Variants in ARB2A observed in about 807,000 individuals in gnomAD.
The protein encoded by ARB2A is ARB2 cotranscriptional regulator A, also known as cotranscriptional regulator ARB2A.
the ARB2A span, among the ~76,000 whole-genome samples, chr5:93,889,118 G>T: frequency 6.6e-6 from 1 of 151,452 alleles, no homozygotes; most frequent in African/African-American, 2.4e-5. Context: ...AATGTGAAAA[G>T]GAAAAAAGGA....
the ARB2A span, among the ~76,000 whole-genome samples, chr5:94,083,901 TA>T: frequency 6.6e-6 from 1 of 152,004 alleles, no homozygotes; most frequent in Non-Finnish European, 1.5e-5. Flanking sequence ...CTAAGATTTA[TA>T]TTTTTTAAAA....
the ARB2A span, among the ~76,000 whole-genome samples, chr5:93,725,548 G>C: frequency 6.6e-6 from 1 of 152,046 alleles, no homozygotes; most frequent in Non-Finnish European, 1.5e-5. Context: ...AATAAAACAT[G>C]TTTATCAATG....
chr5:93,818,383 A>G, the ARB2A span, among the ~76,000 whole-genome samples: 11 of 152,198 alleles, frequency 7.2e-5, no homozygotes, highest in Non-Finnish European at 4.4e-5. Context: ...TATTTTATTT[A>G]AAGGATGAAT....
At chr5:93,834,994 G>A in the ARB2A span, among the ~76,000 whole-genome samples, 5 of 152,242 alleles carry the variant, frequency 3.3e-5, no homozygotes, top group South Asian at 8.3e-4. Flanking sequence ...ATTTAAACTC[G>A]ATGATTTTAG....
chr5:93,815,011 T>A, the ARB2A span, among the ~76,000 whole-genome samples: 934 of 152,030 alleles, frequency 6.1e-3, 13 homozygotes, highest in African/African-American at 0.018. Context: ...CTAATTTTTT[T>A]AAAAAAATTT....
At chr5:93,805,072 T>G in the ARB2A span, 1 of 963,546 alleles carries the variant, frequency 1.0e-6, no homozygotes, top group South Asian at 4.8e-5. Flanking sequence ...TAATGATTAA[T>G]GATTTTCACT....
At chr5:93,780,591 GCT>G in the ARB2A span, among the ~76,000 whole-genome samples, 5 of 146,234 alleles carry the variant, frequency 3.4e-5, no homozygotes, top group South Asian at 1.1e-3. Context: ...TGGAGCTTCT[GCT>G]CTGTTGGCCA....
At chr5:94,028,327 T>C in the ARB2A span, among the ~76,000 whole-genome samples, 8 of 152,112 alleles carry the variant, frequency 5.3e-5, no homozygotes, top group Admixed American at 5.2e-4. Context: ...CCTGTTTCAT[T>C]CCCTCCATGA....
the ARB2A span, among the ~76,000 whole-genome samples, chr5:93,669,228 G>A: frequency 6.6e-6 from 1 of 152,296 alleles, no homozygotes; most frequent in Non-Finnish European, 1.5e-5. Context: ...TTAGAGTTGT[G>A]AGTGAATGAA....
At chr5:93,663,016 C>CA in the ARB2A span, among the ~76,000 whole-genome samples, 2 of 152,152 alleles carry the variant, frequency 1.3e-5, no homozygotes, top group Non-Finnish European at 2.9e-5. Flanking sequence ...CTCCCTCCAT[C>CA]AAGCCCTTTT....
the ARB2A span, chr5:93,740,779 C>T: frequency 6.2e-7 from 1 of 1,612,400 alleles, no homozygotes; most frequent in East Asian, 2.2e-5. Context: ...GCCCATCTTG[C>T]TGCGGTTATA....
chr5:94,055,951 C>A, the ARB2A span: 1 of 952,230 alleles, frequency 1.1e-6, no homozygotes, highest in Non-Finnish European at 1.3e-6. Context: ...GATTTCAAAG[C>A]ACTTTCATAT....
chr5:93,875,388 T>C, the ARB2A span, among the ~76,000 whole-genome samples: 59 of 152,204 alleles, frequency 3.9e-4, no homozygotes, highest in East Asian at 9.9e-3. Flanking sequence ...CCCACCACCA[T>C]GCCTGGCTAA....
At chr5:94,094,761 C>T in the ARB2A span, among the ~76,000 whole-genome samples, 2 of 152,140 alleles carry the variant, frequency 1.3e-5, no homozygotes, top group African/African-American at 2.4e-5. Flanking sequence ...GAAACTACCC[C>T]ACTTCTCACA....
the ARB2A span, among the ~76,000 whole-genome samples, chr5:93,783,128 T>C: frequency 1.3e-5 from 2 of 152,126 alleles, no homozygotes; most frequent in African/African-American, 4.8e-5. Context: ...GAAAAACTCA[T>C]GAGTAAGGAA....
chr5:93,716,665 A>G, the ARB2A span, among the ~76,000 whole-genome samples: 2 of 143,130 alleles, frequency 1.4e-5, no homozygotes, highest in Non-Finnish European at 3.0e-5. Context: ...CCATAGCTGT[A>G]TATCACATTT....
chr5:93,722,006 A>T, the ARB2A span, among the ~76,000 whole-genome samples: 1 of 152,114 alleles, frequency 6.6e-6, no homozygotes, highest in Non-Finnish European at 1.5e-5. Context: ...ACCTCAACTC[A>T]CTTTCTCTAT....
At chr5:93,713,524 A>T in the ARB2A span, among the ~76,000 whole-genome samples, 1 of 152,328 alleles carries the variant, frequency 6.6e-6, no homozygotes, top group East Asian at 1.9e-4. Flanking sequence ...CTCCAGTTAA[A>T]ATGGCTCATA....
chr5:93,807,225 A>C, the ARB2A span, among the ~76,000 whole-genome samples: 4 of 151,912 alleles, frequency 2.6e-5, no homozygotes, highest in Non-Finnish European at 4.4e-5. Context: ...AGATCATATA[A>C]ATGTTGATTT....
Sources: allele counts gnomAD v4.1 joint callset (sites outside exome capture counted in the v4.1 genomes callset), GRCh38; gene constraint gnomAD v4.1.1; transcripts MANE v1.5; gene names NCBI Gene and HGNC (gene_info 2026-07-23, HGNC 2026-07-21).